CNTN4: variants seen among roughly 807,000 people sequenced by gnomAD.
CNTN4 encodes contactin-4.
Under a neutral mutation model 122.5 loss-of-function variants are expected in CNTN4, and 77 were observed. The observed-to-expected ratio is 0.63, with a 90% confidence interval of 0.52 to 0.76. CNTN4 has a LOEUF of 0.76. Ranked by LOEUF, CNTN4 falls within the 30% of genes least tolerant of loss-of-function variation. The pLI is 0.00. For synonymous variants in CNTN4, 512 were observed against 447.0 expected (o/e 1.15, Z -1.83); for missense variants, 1,256 against 1,259.1 (o/e 1.00, Z 0.04).
intron 14 of CNTN4, among the ~76,000 whole-genome samples, chr3:2,997,373 G>T (rs987488863): frequency 6.6e-6 from 1 of 152,160 alleles, no homozygotes; most frequent in South Asian, 2.1e-4. Context: ...TGGTCCCATG[G>T]GGGGAGCCAA....
chr3:2,163,836 C>A (rs920552991), intron 2 of CNTN4, among the ~76,000 whole-genome samples: 1 of 151,948 alleles, frequency 6.6e-6, no homozygotes, highest in African/African-American at 2.4e-5. Flanking sequence ...ATTAAAAAGT[C>A]AAAAAATAAT....
chr3:2,220,298 G>T (rs2039012059), intron 2 of CNTN4, among the ~76,000 whole-genome samples: 1 of 152,124 alleles, frequency 6.6e-6, no homozygotes, highest in Non-Finnish European at 1.5e-5. Context: ...TGTGTTCTAT[G>T]TAGGTGAGGA....
intron 2 of CNTN4, among the ~76,000 whole-genome samples, chr3:2,163,365 A>G (rs552779180): frequency 5.1e-4 from 77 of 152,312 alleles, no homozygotes; most frequent in African/African-American, 1.8e-3. Flanking sequence ...AGATTCATCA[A>G]AGACTTAAAT....
At chr3:3,046,350 A>G (rs1700650164) in intron 23 of CNTN4, among the ~76,000 whole-genome samples, 1 of 152,204 alleles carries the variant, frequency 6.6e-6, no homozygotes, top group Non-Finnish European at 1.5e-5. Context: ...GTCGAAATGA[A>G]GGAAAAAATG....
intron 2 of CNTN4, among the ~76,000 whole-genome samples, chr3:2,179,550 C>A (rs1350403999): frequency 6.6e-6 from 1 of 151,904 alleles, no homozygotes; most frequent in Non-Finnish European, 1.5e-5. Context: ...TCATTGAGGA[C>A]AATGTGTTTT....
intron 13 of CNTN4, among the ~76,000 whole-genome samples, chr3:2,930,128 G>A (rs1340976662): frequency 6.6e-6 from 1 of 152,100 alleles, no homozygotes; most frequent in East Asian, 1.9e-4. Flanking sequence ...TTTCTATACT[G>A]GGAGGCTACC....
chr3:2,737,801 C>G (rs1359612153), intron 5 of CNTN4, among the ~76,000 whole-genome samples: 1 of 152,116 alleles, frequency 6.6e-6, no homozygotes, highest in Middle Eastern at 3.2e-3. Flanking sequence ...ACCTGGGATA[C>G]AAGGGCTACA....
chr3:2,919,375 A>C (rs1472920979), intron 12 of CNTN4, among the ~76,000 whole-genome samples: 2 of 149,568 alleles, frequency 1.3e-5, no homozygotes, highest in Non-Finnish European at 1.5e-5. Flanking sequence ...AAAAAAAAAA[A>C]AACCAGATCG....
intron 2 of CNTN4, among the ~76,000 whole-genome samples, chr3:2,192,677 C>T (rs77760872): frequency 6.6e-6 from 1 of 152,178 alleles, no homozygotes; most frequent in Non-Finnish European, 1.5e-5. Flanking sequence ...AATTCTACTT[C>T]TTGTGAGAGC....
chr3:2,343,665 T>C (rs1017355146), intron 3 of CNTN4, among the ~76,000 whole-genome samples: 3 of 152,236 alleles, frequency 2.0e-5, no homozygotes, highest in Admixed American at 2.0e-4. Flanking sequence ...ATTACTTCAT[T>C]CTTTTGTTGC....
At chr3:2,148,971 TTGG>T (rs2035376235) in intron 2 of CNTN4, among the ~76,000 whole-genome samples, 1 of 146,714 alleles carries the variant, frequency 6.8e-6, no homozygotes, top group Admixed American at 6.9e-5. Context: ...TGTGTGTGTG[TTGG>T]GGGGGTGGTG....
intron 3 of CNTN4, among the ~76,000 whole-genome samples, chr3:2,353,657 C>T (rs1036532475): frequency 7.9e-5 from 12 of 151,998 alleles, no homozygotes; most frequent in South Asian, 2.1e-4. Flanking sequence ...TAACACTCAC[C>T]GTGAGGGTCT....
intron 3 of CNTN4, among the ~76,000 whole-genome samples, chr3:2,401,395 T>A (rs901608023): frequency 3.8e-4 from 58 of 152,138 alleles, no homozygotes; most frequent in Non-Finnish European, 6.5e-4. Flanking sequence ...CCTGCTGACA[T>A]TCAGAAATCT....
chr3:2,462,555 T>C (rs1057005746), intron 3 of CNTN4, among the ~76,000 whole-genome samples: 2 of 152,244 alleles, frequency 1.3e-5, no homozygotes, highest in African/African-American at 4.8e-5. Context: ...CGTTTTCTTT[T>C]TGTTTAAACA....
At chr3:2,982,594 C>T (rs2125222179) in intron 13 of CNTN4, among the ~76,000 whole-genome samples, 1 of 152,236 alleles carries the variant, frequency 6.6e-6, no homozygotes, top group South Asian at 2.1e-4. Context: ...TTCCCATCTT[C>T]CAAATTTAGC....
intron 2 of CNTN4, among the ~76,000 whole-genome samples, chr3:2,247,104 T>G (rs1397676443): frequency 2.6e-5 from 4 of 152,012 alleles, no homozygotes; most frequent in Admixed American, 2.6e-4. Context: ...GTGCCTTTTC[T>G]TTCTCTGGAA....
intron 3 of CNTN4, among the ~76,000 whole-genome samples, chr3:2,393,035 C>A (rs1010240805): frequency 3.3e-5 from 5 of 152,128 alleles, no homozygotes; most frequent in Non-Finnish European, 7.3e-5. Flanking sequence ...TGTTAGAAGG[C>A]CAAAATCCAA....
chr3:2,954,955 GC>G (rs2094783552), intron 13 of CNTN4, among the ~76,000 whole-genome samples: 1 of 151,982 alleles, frequency 6.6e-6, no homozygotes, highest in South Asian at 2.1e-4. Flanking sequence ...CCTACGCCCT[GC>G]CCCCTGCCCC....
intron 2 of CNTN4, among the ~76,000 whole-genome samples, chr3:2,125,366 A>G (rs575342570): frequency 3.7e-4 from 26 of 70,668 alleles, no homozygotes; most frequent in African/African-American, 8.2e-4. Flanking sequence ...GTGTGTGTGT[A>G]TAACATGCCA....
Sources: allele counts gnomAD v4.1 joint callset (sites outside exome capture counted in the v4.1 genomes callset), GRCh38; gene constraint gnomAD v4.1.1; transcripts MANE v1.5; gene names NCBI Gene and HGNC (gene_info 2026-07-23, HGNC 2026-07-21).